The following NELL2 variants were observed in gnomAD, a reference collection of about 807,000 sequenced individuals.
The protein encoded by NELL2 is neural EGFL like 2, also known as protein kinase C-binding protein NELL2.
NELL2 carries 41 observed loss-of-function variants against 109.6 expected under a neutral mutation model. The ratio of observed to expected loss-of-function variants is 0.37; its 90% CI spans 0.29 to 0.49. The LOEUF (loss-of-function observed/expected upper bound fraction) is 0.49, where lower values mean the gene tolerates loss of function less well. Among genes scored for constraint, NELL2 ranks in the 20% least tolerant of loss-of-function variants. NELL2 has a pLI of 0.98. For synonymous variants in NELL2, 355 were observed against 344.7 expected (o/e 1.03, Z -0.33); for missense variants, 900 against 1,008.3 (o/e 0.89, Z 1.45).
chr12:44,899,503 C>T (rs1945635036), intron 1 of NELL2, among the ~76,000 whole-genome samples: 1 of 152,082 alleles, frequency 6.6e-6, no homozygotes, highest in Non-Finnish European at 1.5e-5. Context: ...ATTTTATATC[C>T]AACCAAACTA....
At chr12:44,526,315 G>C (rs894917176) in intron 16 of NELL2, among the ~76,000 whole-genome samples, 1 of 152,256 alleles carries the variant, frequency 6.6e-6, no homozygotes, top group East Asian at 1.9e-4. Flanking sequence ...ATAGTGGTTG[G>C]AATGTACCAG....
chr12:44,808,475 G>A (rs1943074688), intron 3 of NELL2, among the ~76,000 whole-genome samples: 1 of 151,880 alleles, frequency 6.6e-6, no homozygotes, highest in African/African-American at 2.4e-5. Context: ...GTAATTTTGT[G>A]AGAGATAAAT....
intron 1 of NELL2, among the ~76,000 whole-genome samples, chr12:44,890,013 A>C (rs1057249507): frequency 6.6e-6 from 1 of 152,196 alleles, no homozygotes; most frequent in African/African-American, 2.4e-5. Flanking sequence ...GGATAAGCTT[A>C]TGTTAGTATC....
At chr12:44,709,089 C>T (rs1014258338) in intron 11 of NELL2, among the ~76,000 whole-genome samples, 4 of 152,266 alleles carry the variant, frequency 2.6e-5, no homozygotes, top group Middle Eastern at 3.4e-3. Context: ...AACTTCTACG[C>T]TATTCATCTC....
chr12:44,555,261 T>C (rs886157319), intron 15 of NELL2, among the ~76,000 whole-genome samples: 26 of 152,134 alleles, frequency 1.7e-4, no homozygotes, highest in Non-Finnish European at 3.5e-4. Flanking sequence ...TGAGTAGGAA[T>C]CTGTTTTCCC....
intron 13 of NELL2, among the ~76,000 whole-genome samples, chr12:44,650,953 C>G (rs1462536794): frequency 2.0e-5 from 3 of 152,182 alleles, no homozygotes; most frequent in African/African-American, 7.2e-5. Context: ...GCCGGGGGTC[C>G]CCAAGGCCTG....
chr12:44,771,107 C>T (rs1265117310), intron 9 of NELL2, among the ~76,000 whole-genome samples: 1 of 151,974 alleles, frequency 6.6e-6, no homozygotes, highest in East Asian at 1.9e-4. Flanking sequence ...AATATTTATA[C>T]TTTCCATTTT....
intron 13 of NELL2, among the ~76,000 whole-genome samples, chr12:44,650,852 C>T (rs1592271448): frequency 6.6e-6 from 1 of 152,136 alleles, no homozygotes; most frequent in African/African-American, 2.4e-5. Flanking sequence ...AGGAAGGGAG[C>T]CCTCACGAGA....
intron 13 of NELL2, among the ~76,000 whole-genome samples, chr12:44,611,559 T>C (rs1159591236): frequency 6.6e-6 from 1 of 152,098 alleles, no homozygotes; most frequent in Non-Finnish European, 1.5e-5. Context: ...AAACTTGCTT[T>C]TGTAATATGT....
intron 5 of NELL2, among the ~76,000 whole-genome samples, chr12:44,778,498 T>G (rs1223876883): frequency 6.6e-6 from 1 of 152,162 alleles, no homozygotes; most frequent in African/African-American, 2.4e-5. Flanking sequence ...ATAAAGAGAA[T>G]GACCCCCAGA....
At chr12:44,673,454 C>T (rs1288334093) in intron 12 of NELL2, among the ~76,000 whole-genome samples, 1 of 152,116 alleles carries the variant, frequency 6.6e-6, no homozygotes, top group East Asian at 1.9e-4. Context: ...TGGGGTAGAA[C>T]CACAGCGACA....
chr12:44,859,370 C>T (rs2258058), intron 2 of NELL2, among the ~76,000 whole-genome samples: 122,362 of 152,094 alleles, frequency 0.8, 49,583 homozygotes, highest in Middle Eastern at 0.94. Context: ...GGTGAAACCC[C>T]GTCTCCACAA....
chr12:44,865,982 C>T (rs1944988777), intron 2 of NELL2, among the ~76,000 whole-genome samples: 1 of 151,972 alleles, frequency 6.6e-6, no homozygotes, highest in Non-Finnish European at 1.5e-5. Context: ...GAGGTGGGGC[C>T]TTTTGGAAAG....
intron 15 of NELL2, among the ~76,000 whole-genome samples, chr12:44,586,899 C>T (rs756806755): frequency 7.2e-5 from 11 of 152,146 alleles, no homozygotes; most frequent in Non-Finnish European, 1.3e-4. Flanking sequence ...GAAATAACTA[C>T]AAACATAACG....
chr12:44,522,984 A>T, intron 17 of NELL2: 1 of 321,222 alleles, frequency 3.1e-6, no homozygotes, highest in Non-Finnish European at 5.8e-6. Flanking sequence ...CAAAAACATA[A>T]TGTTGAGAGA....
chr12:44,785,244 A>T (rs1479020814), intron 3 of NELL2, among the ~76,000 whole-genome samples: 1 of 152,234 alleles, frequency 6.6e-6, no homozygotes, highest in Non-Finnish European at 1.5e-5. Context: ...ATAACAGAGA[A>T]ACACAGAGCC....
intron 2 of NELL2, among the ~76,000 whole-genome samples, chr12:44,861,645 C>A (rs2710461): frequency 0.8 from 120,977 of 151,616 alleles, 48,702 homozygotes; most frequent in Middle Eastern, 0.94. Context: ...CCACAGGGGC[C>A]AGCCCAAAGC....
At position 44,703,576 on chromosome 12, in the gene NELL2, T is replaced by C. The variant is rs966694512; in HGVS notation, c.1318+150A>G. 24 of 774,460 alleles carry C rather than the reference T, an allele frequency of 3.1e-5. No homozygotes were observed. The East Asian group carries it at 5.9e-4, about 19-fold the overall frequency. 48.0% of individuals were successfully genotyped at this position (774,460 alleles called of 1,614,324 possible). ...AGCTGAAAAACTTTAATTTGAAAGA[T>C]AATTATTTTTAGCTGATTAATATGC... On this transcript the variant is annotated intron_variant, in intron 12 of 19. Coordinates refer to ENST00000429094, the MANE Select transcript of NELL2 (RefSeq NM_001145108.2).
chr12:44,518,326 G>C (rs1395466671), intron 19 of NELL2, among the ~76,000 whole-genome samples: 1 of 151,292 alleles, frequency 6.6e-6, no homozygotes, highest in South Asian at 2.1e-4. Context: ...CTCACTGCAA[G>C]CTCCACCTCC....
Sources: gnomAD v4.1 joint callset for allele counts (sites outside exome capture counted in the v4.1 genomes callset) on GRCh38, gnomAD v4.1.1 for gene constraint, MANE v1.5 for transcripts, NCBI Gene and HGNC (gene_info 2026-07-23, HGNC 2026-07-21) for gene names.